Variants in KCNIP1 observed in about 807,000 individuals in gnomAD.
KCNIP1 encodes A-type potassium channel modulatory protein KCNIP1.
A neutral mutation model predicts 33.0 loss-of-function variants in KCNIP1; 18 were observed. The observed-to-expected ratio is 0.55, with a 90% CI of 0.38 to 0.81. The LOEUF (loss-of-function observed/expected upper bound fraction) is 0.81. KCNIP1 is among the 30% of genes least tolerant of loss of function. KCNIP1 has a pLI of 0.00. For synonymous variants in KCNIP1, 93 were observed against 98.3 expected (o/e 0.95, Z 0.32); for missense variants, 238 against 271.6 (o/e 0.88, Z 0.87).
rs557896580 is a variant in KCNIP1 at position 170,418,168 on chromosome 5, T to C, written c.88+64204T>C. Among the ~76,000 whole-genome samples, 17 of 152,294 alleles carry C rather than the reference T, an allele frequency of 1.1e-4. 1 individual carries two copies. The South Asian group carries it at 3.3e-3, about 30-fold the overall frequency. On this transcript the variant is annotated intron_variant, in intron 1 of 7. Transcript: ENST00000377360. ...CTTCCCGGCTGGGCGCAGTGGCTCA[T>C]GCCTGTAATCCCAGCATTTGGGGAG...
At chr5:170,446,519 T>C (rs1321523988) in intron 1 of KCNIP1, among the ~76,000 whole-genome samples, 1 of 152,200 alleles carries the variant, frequency 6.6e-6, no homozygotes, top group Non-Finnish European at 1.5e-5. Flanking sequence ...CTAAAGTACA[T>C]TGGTGCAATC....
intron 1 of KCNIP1, chr5:170,422,808 A>C (rs1283675435): frequency 6.6e-6 from 1 of 152,242 alleles, no homozygotes; most frequent in Non-Finnish European, 1.5e-5. Context: ...AAGAGTATGC[A>C]GCATTTCCCA....
At chr5:170,670,111 G>C (rs942798254) in intron 1 of KCNIP1, among the ~76,000 whole-genome samples, 4 of 152,168 alleles carry the variant, frequency 2.6e-5, no homozygotes, top group African/African-American at 9.7e-5. Context: ...CAAACAGTAA[G>C]TCAAATTGGG....
At chr5:170,574,567 ATGGTTTATTGCCTTGCATTT>A (rs1456325146) in intron 1 of KCNIP1, among the ~76,000 whole-genome samples, 3 of 152,212 alleles carry the variant, frequency 2.0e-5, no homozygotes, top group Admixed American at 6.5e-5. Context: ...TCCATACCAC[ATGGTTTATTGCCTTGCATTT>A]GTACGATTAT....
At chr5:170,491,664 A>G (rs1757209828) in intron 1 of KCNIP1, among the ~76,000 whole-genome samples, 1 of 152,228 alleles carries the variant, frequency 6.6e-6, no homozygotes, top group Non-Finnish European at 1.5e-5. Flanking sequence ...ATTTTTGGAC[A>G]GAGGCCTTTT....
At chr5:170,605,754 G>GTAC in intron 1 of KCNIP1, among the ~76,000 whole-genome samples, 1 of 148,330 alleles carries the variant, frequency 6.7e-6, no homozygotes, top group Non-Finnish European at 1.5e-5. Flanking sequence ...GCATGGGTCA[G>GTAC]TACTTCAACC....
chr5:170,588,546 G>T (rs1380704297), intron 1 of KCNIP1, among the ~76,000 whole-genome samples: 1 of 152,188 alleles, frequency 6.6e-6, no homozygotes, highest in Admixed American at 6.5e-5. Context: ...TTGTTTAAAG[G>T]GTTGGAATCA....
chr5:170,702,283 A>C (rs1385777259), intron 1 of KCNIP1, among the ~76,000 whole-genome samples: 2 of 152,328 alleles, frequency 1.3e-5, no homozygotes, highest in Non-Finnish European at 2.9e-5. Flanking sequence ...GGAAGGATTC[A>C]TCTGAGTTTA....
chr5:170,735,623 T>C, intron 7 of KCNIP1, 136 bp from the exon 8 acceptor site: 1 of 704,258 alleles, frequency 1.4e-6, no homozygotes, highest in Non-Finnish European at 2.5e-6. Flanking sequence ...GTCCCCACCC[T>C]TACTTCTTGT....
chr5:170,515,095 T>C (rs1264196797), intron 1 of KCNIP1, among the ~76,000 whole-genome samples: 1 of 152,198 alleles, frequency 6.6e-6, no homozygotes, highest in South Asian at 2.1e-4. Flanking sequence ...CGATGCCTGG[T>C]GGAAGAACAG....
chr5:170,507,886 T>C (rs1373196198), intron 1 of KCNIP1, among the ~76,000 whole-genome samples: 1 of 152,166 alleles, frequency 6.6e-6, no homozygotes, highest in African/African-American at 2.4e-5. Context: ...TAATTAAAAG[T>C]AGGAGAGCCC....
At chr5:170,421,877 A>G (rs891340295) in intron 1 of KCNIP1, 6 of 152,214 alleles carry the variant, frequency 3.9e-5, no homozygotes, top group Non-Finnish European at 5.9e-5. Context: ...ATTAGGGTCA[A>G]TGTTATTCTG....
At chr5:170,457,461 T>C (rs4867603) in intron 1 of KCNIP1, among the ~76,000 whole-genome samples, 90,494 of 151,982 alleles carry the variant, frequency 0.6, 27,174 homozygotes, top group East Asian at 0.7. Flanking sequence ...GGGAGACACC[T>C]CAAATACTGT....
At chr5:170,559,332 G>A (rs995194484) in intron 1 of KCNIP1, among the ~76,000 whole-genome samples, 7 of 152,014 alleles carry the variant, frequency 4.6e-5, no homozygotes, top group Admixed American at 6.6e-5. Flanking sequence ...ATGTCAAATC[G>A]CCTACAAAGC....
At chr5:170,379,536 C>G (rs1031312085) in intron 1 of KCNIP1, among the ~76,000 whole-genome samples, 2 of 152,122 alleles carry the variant, frequency 1.3e-5, no homozygotes, top group African/African-American at 4.8e-5. Context: ...GAAGAATTGC[C>G]AGGGTGTGGC....
intron 1 of KCNIP1, among the ~76,000 whole-genome samples, chr5:170,553,688 C>T (rs1561683669): frequency 6.6e-6 from 1 of 152,326 alleles, no homozygotes; most frequent in South Asian, 2.1e-4. Flanking sequence ...GCCTTTCATT[C>T]CTAGCTGCAA....
chr5:170,680,840 G>A (rs1407577635), intron 1 of KCNIP1: 1 of 366,514 alleles, frequency 2.7e-6, no homozygotes, highest in Non-Finnish European at 4.9e-6. Context: ...GGGAAAAGAG[G>A]AAATAAAAGC....
intron 1 of KCNIP1, among the ~76,000 whole-genome samples, chr5:170,708,423 T>TAA (rs1269622035): frequency 1.3e-5 from 2 of 152,234 alleles, no homozygotes; most frequent in Non-Finnish European, 2.9e-5. Context: ...ACATTCTGTG[T>TAA]TTCTATGCAC....
intron 1 of KCNIP1, among the ~76,000 whole-genome samples, chr5:170,585,212 A>G (rs1007447296): frequency 7.9e-5 from 12 of 152,216 alleles, no homozygotes; most frequent in African/African-American, 2.4e-4. Context: ...CTCTGGCCCA[A>G]TTAAGCTATA....
Sources: gnomAD v4.1 joint callset for allele counts (sites outside exome capture counted in the v4.1 genomes callset) on GRCh38, gnomAD v4.1.1 for gene constraint, MANE v1.5 for transcripts, NCBI Gene and HGNC (gene_info 2026-07-23, HGNC 2026-07-21) for gene names.